The following PTGES3 variants were observed in gnomAD, a reference collection of about 807,000 sequenced individuals.
PTGES3 encodes Hsp90 co-chaperone.
A neutral mutation model predicts 29.9 loss-of-function variants in PTGES3; 5 were observed. That is an observed-to-expected ratio of 0.17 (90% CI 0.09 to 0.35). PTGES3 has a LOEUF of 0.35. Among genes scored for constraint, PTGES3 ranks in the 10% least tolerant of loss-of-function variants. The pLI is 1.00. For synonymous variants in PTGES3, 49 were observed against 57.8 expected (o/e 0.85, Z 0.69); for missense variants, 128 against 190.0 (o/e 0.67, Z 1.92).
chr12:56,682,457 G>A (rs987905749), intron 1 of PTGES3, among the ~76,000 whole-genome samples: 1 of 151,900 alleles, frequency 6.6e-6, no homozygotes, highest in Non-Finnish European at 1.5e-5. Flanking sequence ...AACTACTGGG[G>A]GACCAAGGCA....
intron 5 of PTGES3, among the ~76,000 whole-genome samples, chr12:56,666,646 G>A (rs965679447): frequency 2.0e-5 from 3 of 148,774 alleles, no homozygotes; most frequent in Non-Finnish European, 3.0e-5. Flanking sequence ...TTTTTTTTTT[G>A]AGACAGAGTC....
At chr12:56,682,250 G>A (rs146887992) in intron 1 of PTGES3, among the ~76,000 whole-genome samples, 51 of 152,268 alleles carry the variant, frequency 3.3e-4, no homozygotes, top group African/African-American at 1.1e-3. Flanking sequence ...TACAAAATGG[G>A]AAAAGAGCAT....
At chr12:56,672,117 T>A (rs1952027315) in intron 3 of PTGES3, among the ~76,000 whole-genome samples, 2 of 152,288 alleles carry the variant, frequency 1.3e-5, no homozygotes, top group South Asian at 4.1e-4. Flanking sequence ...ACCATTTTTT[T>A]CTTTCCTGCA....
At chr12:56,673,484 GGAAA>G (rs1201700717) in intron 1 of PTGES3, among the ~76,000 whole-genome samples, 3 of 36,846 alleles carry the variant, frequency 8.1e-5, no homozygotes, top group South Asian at 1.1e-3. Context: ...ATACAAATAC[GGAAA>G]AAAAAAAAAA....
At chr12:56,668,107 T>TG (rs1951855575) in intron 5 of PTGES3, among the ~76,000 whole-genome samples, 1 of 152,066 alleles carries the variant, frequency 6.6e-6, no homozygotes. Context: ...AAACTCTGCC[T>TG]CAAAAAAATA....
chr12:56,687,231 C>CTA (rs1454856982), intron 1 of PTGES3: 1 of 1,028,198 alleles, frequency 9.7e-7, no homozygotes, highest in Admixed American at 5.7e-5. Context: ...TACACTGTAA[C>CTA]AAGATAGTGA....
intron 5 of PTGES3, among the ~76,000 whole-genome samples, chr12:56,667,971 G>A (rs567467995): frequency 6.6e-6 from 1 of 152,330 alleles, no homozygotes; most frequent in East Asian, 1.9e-4. Context: ...AGCCGGGCAT[G>A]GTGGTGGGCA....
chr12:56,663,991 A>G lies in PTGES3; in HGVS notation c.*488T>C, dbSNP rs1951701197. On this transcript the variant is annotated 3_prime_UTR_variant, in exon 8 of 8. Transcript: ENST00000262033. ...ATGTGAAGTAAATTTTTTGAAAAATAAATTTTAGTGGAACAATCCTGAAGG... is the reference window on the plus strand; with the variant it reads ...ATGTGAAGTAAATTTTTTGAAAAATGAATTTTAGTGGAACAATCCTGAAGG... 6.6e-6 allele frequency: 1 copy of G among 152,014 alleles called. No homozygotes were observed. Among genetic ancestry groups the G allele is most frequent in the African/African-American group, 2.4e-5 (1 of 40,820 alleles). 9.4% of individuals were successfully genotyped at this position (152,014 alleles called of 1,614,324 possible).
chr12:56,675,525 A>C (rs1361190608), intron 1 of PTGES3, among the ~76,000 whole-genome samples: 2 of 148,764 alleles, frequency 1.3e-5, no homozygotes, highest in African/African-American at 5.0e-5. Flanking sequence ...TGAGACCAAA[A>C]AAAAAAAAAA....
At chr12:56,683,473 C>CAGAAAAAAAA (rs1952656764) in intron 1 of PTGES3, among the ~76,000 whole-genome samples, 1 of 29,750 alleles carries the variant, frequency 3.4e-5, no homozygotes, top group Non-Finnish European at 6.3e-5. Flanking sequence ...AACTCTGTCT[C>CAGAAAAAAAA]AAAAAAAAAA....
chr12:56,670,956 C>A (rs1440588940), intron 4 of PTGES3, among the ~76,000 whole-genome samples: 1 of 151,998 alleles, frequency 6.6e-6, no homozygotes, highest in Non-Finnish European at 1.5e-5. Flanking sequence ...AACAAAAAAA[C>A]AAATTTCCTG....
intron 1 of PTGES3, chr12:56,687,719 G>A: frequency 8.1e-6 from 11 of 1,354,170 alleles, no homozygotes; most frequent in Non-Finnish European, 8.5e-6. Flanking sequence ...TGAAGTTACC[G>A]AAAGAGGCGA....
chr12:56,675,779 T>C (rs1028751954), intron 1 of PTGES3, among the ~76,000 whole-genome samples: 3 of 151,972 alleles, frequency 2.0e-5, no homozygotes, highest in Non-Finnish European at 2.9e-5. Context: ...AAAAATTAGC[T>C]GGGTGTGGTG....
At chr12:56,677,463 A>G (rs1592265848) in intron 1 of PTGES3, among the ~76,000 whole-genome samples, 2 of 152,280 alleles carry the variant, frequency 1.3e-5, no homozygotes, top group Middle Eastern at 6.8e-3. Context: ...ACATAGCTGT[A>G]TCCAAGCAAC....
In PTGES3 at chr12:56,672,786, A is replaced by T. The variant is rs566679377; in HGVS notation, c.140T>A (p.Phe47Tyr). ...TFSCLGGSDN[F>Y]KHLNEIDLFH... ...AAGATCAATTTCATTTAAATGCTTA[A>T]AATTATCACTTCCTCCGAGACAACT... Residue 47 changes from phenylalanine (F) to tyrosine (Y), a missense_variant, in exon 3 of 8, where the codon TTT (phenylalanine) becomes TAT (tyrosine). Physicochemically the swap from Phe to Tyr is conservative, Grantham distance 22. Coordinates refer to ENST00000262033, the MANE Select transcript of PTGES3 (RefSeq NM_006601.7). 21 of 1,592,254 alleles carry T rather than the reference A, an allele frequency of 1.3e-5. No individual in the cohort carries two copies. The South Asian group carries it at 2.4e-4, about 18-fold the overall frequency.
chr12:56,684,602 T>C (rs141679465), intron 1 of PTGES3, among the ~76,000 whole-genome samples: 2 of 152,266 alleles, frequency 1.3e-5, no homozygotes, highest in Non-Finnish European at 2.9e-5. Context: ...TACAAGACAT[T>C]AGACAGGAAA....
chr12:56,667,971 G>C (rs567467995), intron 5 of PTGES3, among the ~76,000 whole-genome samples: 1 of 152,212 alleles, frequency 6.6e-6, no homozygotes, highest in African/African-American at 2.4e-5. Flanking sequence ...AGCCGGGCAT[G>C]GTGGTGGGCA....
chr12:56,666,172 A>T (rs1951778387), intron 6 of PTGES3, 32 bp downstream of exon 6: 2 of 1,585,314 alleles, frequency 1.3e-6, no homozygotes, highest in Non-Finnish European at 1.7e-6. Context: ...AATAGTATGA[A>T]AGTAAACAGA....
intron 1 of PTGES3, among the ~76,000 whole-genome samples, chr12:56,684,687 A>G (rs1952741446): frequency 1.3e-5 from 2 of 152,342 alleles, no homozygotes; most frequent in South Asian, 4.1e-4. Context: ...TCGAACGACA[A>G]TGATTCAAAA....
Sources: gnomAD v4.1 joint callset for allele counts (sites outside exome capture counted in the v4.1 genomes callset) on GRCh38, gnomAD v4.1.1 for gene constraint, MANE v1.5 for transcripts, NCBI Gene and HGNC (gene_info 2026-07-23, HGNC 2026-07-21) for gene names.